FOXP1: variants seen among roughly 807,000 people sequenced by gnomAD.
FOXP1 encodes forkhead box protein P1.
In FOXP1, 15 loss-of-function variants were observed where a neutral mutation model predicts 98.2. That is an observed-to-expected ratio of 0.15 (90% confidence interval 0.10 to 0.24). The LOEUF is 0.24. FOXP1 is among the 10% of genes least tolerant of loss of function. The probability of loss-of-function intolerance (pLI) is 1.00; values close to 1 mark genes in which losing one functional copy is unlikely to be tolerated. For synonymous variants in FOXP1, 371 were observed against 314.5 expected (o/e 1.18, Z -1.90); for missense variants, 633 against 848.5 (o/e 0.75, Z 3.15).
intron 10 of FOXP1, among the ~76,000 whole-genome samples, chr3:71,045,767 T>C (rs887327319): frequency 6.6e-6 from 1 of 152,130 alleles, no homozygotes; most frequent in Non-Finnish European, 1.5e-5. Context: ...AGGGAAAAGA[T>C]TCAAATGCAG....
At position 71,066,091 on chromosome 3, in the gene FOXP1, CAAAA is replaced by C. The variant is rs34279433; in HGVS notation, c.283-12322_283-12319del. Among the ~76,000 whole-genome samples, 789 of 104,984 alleles carry C rather than the reference CAAAA, an allele frequency of 7.5e-3. 10 individuals are homozygous for C. Among genetic ancestry groups the C allele is most frequent in the African/African-American group, 0.026 (755 of 28,666 alleles). The allele number at this position is 104,984 out of a possible 152,430, so 68.9% of individuals were successfully genotyped here. Reference sequence around the variant, plus strand: ...ACATCAATGAATGCCTATTTGCCTTCAAAAAAAAAAAAAAAAAAAAGGCAACAAA... The same window carrying C: ...ACATCAATGAATGCCTATTTGCCTTCAAAAAAAAAAAAAAAAGGCAACAAA... On this transcript the variant is annotated intron_variant, in intron 7 of 20. Transcript: ENST00000649528.
intron 5 of FOXP1, among the ~76,000 whole-genome samples, chr3:71,260,229 C>A (rs1170132711): frequency 1.3e-5 from 2 of 152,152 alleles, no homozygotes; most frequent in Non-Finnish European, 2.9e-5. Flanking sequence ...GTGATCCGCC[C>A]GCCTCAGCCT....
intron 6 of FOXP1, among the ~76,000 whole-genome samples, chr3:71,178,698 A>G (rs2062095387): frequency 6.6e-6 from 1 of 151,480 alleles, no homozygotes; most frequent in African/African-American, 2.4e-5. Context: ...CCTGGCTAAC[A>G]TGGTGAAACC....
At chr3:71,035,537 G>A (rs768656944) in intron 11 of FOXP1, among the ~76,000 whole-genome samples, 2 of 152,132 alleles carry the variant, frequency 1.3e-5, no homozygotes, top group Non-Finnish European at 2.9e-5. Flanking sequence ...AGGAAGCAGT[G>A]GGCTGGATTT....
intron 13 of FOXP1, among the ~76,000 whole-genome samples, chr3:71,000,604 G>T (rs1357704677): frequency 6.6e-6 from 1 of 151,680 alleles, no homozygotes; most frequent in Non-Finnish European, 1.5e-5. Context: ...CAACGTCGAG[G>T]ACTTACACTG....
chr3:71,003,763 G>A (rs2042412237), intron 12 of FOXP1, among the ~76,000 whole-genome samples: 1 of 152,122 alleles, frequency 6.6e-6, no homozygotes, highest in African/African-American at 2.4e-5. Flanking sequence ...TTATGCAGGA[G>A]CATTTCATTA....
chr3:71,511,042 G>A (rs2107319771), intron 2 of FOXP1, among the ~76,000 whole-genome samples: 1 of 152,312 alleles, frequency 6.6e-6, no homozygotes, highest in South Asian at 2.1e-4. Flanking sequence ...GCCTCACAAT[G>A]TTTGGCAGTT....
chr3:71,066,359 G>C (rs1016121908), intron 7 of FOXP1, among the ~76,000 whole-genome samples: 2 of 152,120 alleles, frequency 1.3e-5, no homozygotes, highest in East Asian at 1.9e-4. Context: ...AGCGCAGATC[G>C]CTCTTCACCC....
chr3:71,516,832 C>T (rs186952178), intron 2 of FOXP1, among the ~76,000 whole-genome samples: 1 of 152,106 alleles, frequency 6.6e-6, no homozygotes, highest in African/African-American at 2.4e-5. Flanking sequence ...GGTGACAGAG[C>T]AAGACTCTGT....
intron 4 of FOXP1, among the ~76,000 whole-genome samples, chr3:71,347,055 GGGTTGAAA>G (rs1276959269): frequency 7.2e-5 from 11 of 152,096 alleles, no homozygotes. Context: ...ATGTTCTAAT[GGGTTGAAA>G]GCTTTACCTC....
intron 14 of FOXP1, among the ~76,000 whole-genome samples, chr3:70,978,339 C>T (rs903488896): frequency 5.3e-5 from 8 of 152,014 alleles, no homozygotes; most frequent in African/African-American, 1.9e-4. Flanking sequence ...ATTGTGATGT[C>T]TCACCTATAG....
intron 14 of FOXP1, among the ~76,000 whole-genome samples, chr3:70,986,001 G>A (rs2039665925): frequency 6.6e-6 from 1 of 152,198 alleles, no homozygotes; most frequent in Non-Finnish European, 1.5e-5. Context: ...GAAATACTGT[G>A]CTGAGCTACT....
At chr3:71,035,908 A>C (rs2047516200) in intron 11 of FOXP1, among the ~76,000 whole-genome samples, 1 of 152,214 alleles carries the variant, frequency 6.6e-6, no homozygotes, top group Non-Finnish European at 1.5e-5. Flanking sequence ...AGTTCTGAAA[A>C]CTAACTTCTA....
At chr3:71,556,241 G>C (rs2046119128) in intron 2 of FOXP1, among the ~76,000 whole-genome samples, 1 of 152,102 alleles carries the variant, frequency 6.6e-6, no homozygotes, top group Non-Finnish European at 1.5e-5. Context: ...AATTTCATTA[G>C]TTATTAAAGA....
chr3:71,385,288 T>A lies in FOXP1; in HGVS notation c.-167-26044A>T, dbSNP rs530420933. Among the ~76,000 whole-genome samples, 3 of 152,332 alleles carry A rather than the reference T, an allele frequency of 2.0e-5. No homozygotes were observed. In the East Asian group the frequency reaches 5.8e-4, roughly 29 times the overall value. On this transcript the variant is annotated intron_variant, in intron 3 of 20. Transcript: ENST00000649528. ...CAATAGAATGGTAATCTTGCTGAAT[T>A]CTTTAAAACTGTATTATAAATCACC...
intron 6 of FOXP1, among the ~76,000 whole-genome samples, chr3:71,179,610 A>C (rs1239053654): frequency 2.0e-5 from 3 of 152,190 alleles, no homozygotes; most frequent in Non-Finnish European, 4.4e-5. Flanking sequence ...CATGTAAGAG[A>C]ATTAACCCTC....
intron 6 of FOXP1, among the ~76,000 whole-genome samples, chr3:71,133,986 C>T (rs571010157): frequency 2.6e-5 from 4 of 152,254 alleles, no homozygotes; most frequent in East Asian, 3.9e-4. Context: ...GTCCCTTAAA[C>T]GGGAAGGCTT....
chr3:71,430,829 G>A (rs570826108), intron 3 of FOXP1, among the ~76,000 whole-genome samples: 14 of 152,246 alleles, frequency 9.2e-5, no homozygotes, highest in Non-Finnish European at 1.5e-4. Flanking sequence ...GAGGGGAGGC[G>A]GCGGGGGGCA....
chr3:71,014,884 C>T (rs756649077), intron 12 of FOXP1, among the ~76,000 whole-genome samples: 2 of 151,914 alleles, frequency 1.3e-5, no homozygotes, highest in Non-Finnish European at 2.9e-5. Flanking sequence ...AGCAAACTAT[C>T]GCAAGGACAG....
Sources: allele counts gnomAD v4.1 joint callset (sites outside exome capture counted in the v4.1 genomes callset), GRCh38; gene constraint gnomAD v4.1.1; transcripts MANE v1.5; gene names NCBI Gene and HGNC (gene_info 2026-07-23, HGNC 2026-07-21).